The following NUDCD1 variants were observed in gnomAD, a reference collection of about 807,000 sequenced individuals.
The protein encoded by NUDCD1 is NudC domain containing 1, also known as nudC domain-containing protein 1.
A neutral mutation model predicts 67.8 loss-of-function variants in NUDCD1; 60 were observed. That is an observed-to-expected ratio of 0.88 (90% confidence interval 0.72 to 1.10). NUDCD1 has a LOEUF of 1.10. Ranked by LOEUF, NUDCD1 falls within the 50% of genes least tolerant of loss-of-function variation. The pLI, the probability that NUDCD1 is intolerant of heterozygous loss-of-function variation, is 0.00. For synonymous variants in NUDCD1, 244 were observed against 230.8 expected (o/e 1.06, Z -0.52); for missense variants, 643 against 695.0 (o/e 0.93, Z 0.84).
chr8:109,283,122 A>C (rs760354202), intron 5 of NUDCD1, among the ~76,000 whole-genome samples: 8 of 152,214 alleles, frequency 5.3e-5, no homozygotes, highest in Non-Finnish European at 1.2e-4. Context: ...TCTGGAATTG[A>C]AAAACTCACT....
At chr8:109,275,242 G>A in intron 7 of NUDCD1, 110 bp downstream of exon 7, 1 of 943,332 alleles carries the variant, frequency 1.1e-6, no homozygotes, top group South Asian at 1.6e-5. Context: ...TATCTGATAT[G>A]TATCTTTTAT....
chr8:109,243,017 C>A lies in NUDCD1; in HGVS notation c.1744G>T (p.Glu582Ter). 6.4e-7 allele frequency: 1 copy of A among 1,570,496 alleles called. No homozygotes were observed. Among genetic ancestry groups the A allele is most frequent in the South Asian group, 1.1e-5 (1 of 89,766 alleles). The change falls in exon 10 of 10, where the codon GAG becomes TAG. Residue 582 changes from glutamate to a stop codon, truncating the protein, a stop_gained. Transcript: ENST00000239690. LOFTEE classifies it high-confidence loss of function. ...CCAATATGTTAGAATAATTAATTCT[C>A]TGTATTTACTTTTATTAAAAAGAGG... ...KNLFLIKVNT[E>*]N
At chr8:109,260,796 T>C (rs182758353) in intron 8 of NUDCD1, among the ~76,000 whole-genome samples, 1 of 152,180 alleles carries the variant, frequency 6.6e-6, no homozygotes, top group African/African-American at 2.4e-5. Context: ...ATTGCAATAT[T>C]TGCTTGATAC....
At chr8:109,311,559 G>GTGTGTATA in intron 2 of NUDCD1, among the ~76,000 whole-genome samples, 1 of 125,118 alleles carries the variant, frequency 8.0e-6, no homozygotes, top group Non-Finnish European at 1.7e-5. Context: ...AAACTGTGGT[G>GTGTGTATA]TATATATATA....
intron 4 of NUDCD1, 97 bp downstream of exon 4, chr8:109,293,247 C>A: frequency 6.6e-6 from 4 of 610,296 alleles, no homozygotes; most frequent in Non-Finnish European, 1.1e-5. Flanking sequence ...ACACAATGCC[C>A]AAGAAAGAGC....
chr8:109,282,739 G>C (rs1387340430), intron 5 of NUDCD1, among the ~76,000 whole-genome samples: 1 of 151,956 alleles, frequency 6.6e-6, no homozygotes, highest in Non-Finnish European at 1.5e-5. Flanking sequence ...GTAGATGGCG[G>C]GTTGATGAGT....
Position 109,333,911 on chromosome 8 carries a change from G to C in NUDCD1, c.100C>G (p.Gln34Glu). 6.2e-7 allele frequency: 1 copy of C among 1,614,176 alleles called. No homozygotes were observed. Among genetic ancestry groups the C allele is most frequent in the Non-Finnish European group, 8.5e-7 (1 of 1,179,994 alleles). Residue 34 changes from glutamine (Q) to glutamate (E), a missense_variant, in exon 1 of 10, where the codon CAG becomes GAG. Transcript: ENST00000239690. ...KLSLEPLPCY[Q>E]LELDAAVAEV... Reference sequence around the variant, plus strand: ...TTCCCACCTGCGTCAAGCTCCAGCTGGTAACAAGGCAGCGGCTCAAGAGAG... The same window carrying C: ...TTCCCACCTGCGTCAAGCTCCAGCTCGTAACAAGGCAGCGGCTCAAGAGAG...
intron 8 of NUDCD1, among the ~76,000 whole-genome samples, chr8:109,258,432 T>A (rs1419811518): frequency 2.0e-5 from 3 of 151,812 alleles, no homozygotes; most frequent in African/African-American, 7.3e-5. Context: ...CAACTATCTA[T>A]CAATCCCTCC....
chr8:109,252,432 C>T (rs1416578511), intron 8 of NUDCD1, among the ~76,000 whole-genome samples: 1 of 152,004 alleles, frequency 6.6e-6, no homozygotes, highest in Admixed American at 6.5e-5. Context: ...CTTCCCTCAG[C>T]AGCTTAGGCT....
intron 7 of NUDCD1, among the ~76,000 whole-genome samples, chr8:109,275,063 T>A (rs1328372053): frequency 6.6e-6 from 1 of 152,128 alleles, no homozygotes. Flanking sequence ...CAGTTGATTC[T>A]CCTAAAGAAT....
At chr8:109,282,011 C>G (rs916285772) in intron 5 of NUDCD1, among the ~76,000 whole-genome samples, 2 of 152,192 alleles carry the variant, frequency 1.3e-5, no homozygotes, top group African/African-American at 4.8e-5. Flanking sequence ...CCCCCGAACC[C>G]TGTCCAGAGA....
chr8:109,316,512 T>A (rs1400764887), intron 2 of NUDCD1: 1 of 152,078 alleles, frequency 6.6e-6, no homozygotes, highest in African/African-American at 2.4e-5. Flanking sequence ...GTGCCTTTGA[T>A]GAAAACAAAA....
chr8:109,299,989 C>A (rs1213560344), intron 2 of NUDCD1, among the ~76,000 whole-genome samples: 3 of 152,076 alleles, frequency 2.0e-5, no homozygotes, highest in Non-Finnish European at 4.4e-5. Context: ...GTGGCTAGAT[C>A]CAAAACAGAG....
At chr8:109,327,373 C>T (rs905778834) in intron 1 of NUDCD1, among the ~76,000 whole-genome samples, 2 of 152,134 alleles carry the variant, frequency 1.3e-5, no homozygotes, top group African/African-American at 4.8e-5. Flanking sequence ...ACAATGGTTA[C>T]GTGGCTTTTC....
chr8:109,243,570 T>C (rs1813426003), intron 9 of NUDCD1, among the ~76,000 whole-genome samples: 1 of 152,156 alleles, frequency 6.6e-6, no homozygotes, highest in Non-Finnish European at 1.5e-5. Flanking sequence ...CTTCATTTAA[T>C]TTCCACGAAT....
intron 6 of NUDCD1, among the ~76,000 whole-genome samples, chr8:109,277,125 C>G (rs1167947567): frequency 2.6e-5 from 4 of 152,188 alleles, no homozygotes; most frequent in African/African-American, 7.2e-5. Context: ...AAATAAAGTA[C>G]TGTAAATATT....
At chr8:109,281,961 C>T (rs1814449209) in intron 5 of NUDCD1, among the ~76,000 whole-genome samples, 1 of 152,196 alleles carries the variant, frequency 6.6e-6, no homozygotes, top group Admixed American at 6.5e-5. Context: ...GGCAGAGCTC[C>T]AGGCACCTGG....
chr8:109,259,881 C>T (rs1033008756), intron 8 of NUDCD1, among the ~76,000 whole-genome samples: 1 of 152,150 alleles, frequency 6.6e-6, no homozygotes, highest in Non-Finnish European at 1.5e-5. Flanking sequence ...CTGGGCAAAT[C>T]AAGTACTTGC....
chr8:109,243,386 A>C, intron 9 of NUDCD1, 85 bp from the exon 10 acceptor site: 1 of 1,127,452 alleles, frequency 8.9e-7, no homozygotes, highest in Non-Finnish European at 1.3e-6. Flanking sequence ...AATATTTTGC[A>C]ATGTTTATTA....
Sources: allele counts gnomAD v4.1 joint callset (sites outside exome capture counted in the v4.1 genomes callset), GRCh38; gene constraint gnomAD v4.1.1; transcripts MANE v1.5; gene names NCBI Gene and HGNC (gene_info 2026-07-23, HGNC 2026-07-21).